Variants in CYP2W1 observed in about 807,000 individuals in gnomAD.
CYP2W1 encodes the protein cytochrome P450 2W1.
Under a neutral mutation model 44.9 loss-of-function variants are expected in CYP2W1, and 51 were observed. The observed-to-expected ratio is 1.14, with a 90% CI of 0.91 to 1.43. The LOEUF (loss-of-function observed/expected upper bound fraction) is 1.43. CYP2W1 is among the 40% of genes most tolerant of loss of function. The probability of loss-of-function intolerance (pLI) is 0.00; values close to 1 mark genes in which losing one functional copy is unlikely to be tolerated. For synonymous variants in CYP2W1, 383 were observed against 338.3 expected (o/e 1.13, Z -1.45); for missense variants, 746 against 700.0 (o/e 1.07, Z -0.74).
intron 1 of CYP2W1, among the ~76,000 whole-genome samples, chr7:984,130 G>A (rs1848138617): frequency 1.3e-5 from 2 of 152,188 alleles, no homozygotes; most frequent in African/African-American, 2.4e-5. Context: ...CGACCTTGCC[G>A]CCTGGACTCA....
At chr7:985,550 C>T (rs1848273714) in intron 4 of CYP2W1, among the ~76,000 whole-genome samples, 1 of 152,210 alleles carries the variant, frequency 6.6e-6, no homozygotes, top group Non-Finnish European at 1.5e-5. Context: ...CCCATCTCCC[C>T]CACGCCCTCA....
chr7:985,851 C>G (rs1055356047), intron 4 of CYP2W1, among the ~76,000 whole-genome samples: 2 of 152,198 alleles, frequency 1.3e-5, no homozygotes, highest in Non-Finnish European at 2.9e-5. Context: ...ACGGCTGGAC[C>G]CAGAGACCAC....
chr7:985,966 A>G (rs1461203139), intron 4 of CYP2W1, among the ~76,000 whole-genome samples: 1 of 152,068 alleles, frequency 6.6e-6, no homozygotes, highest in Admixed American at 6.5e-5. Context: ...CACCCGTCCT[A>G]GCCAGGGTGA....
At chr7:983,494 C>G (rs1044987997) in intron 1 of CYP2W1, 109 bp downstream of exon 1, 20 of 1,141,658 alleles carry the variant, frequency 1.8e-5, no homozygotes, top group Non-Finnish European at 2.2e-5. Context: ...CACATGGTGC[C>G]GGGCCCAGCG....
Position 987,199 on chromosome 7 carries a change from G to C in CYP2W1, c.912G>C (p.Thr304=), listed in dbSNP as rs58781963. The change falls in exon 6 of 9, where the codon ACG becomes ACC. Residue 304 remains threonine (T), a synonymous_variant. Transcript: ENST00000308919. The part of the protein sequence containing the change: ...VMAGTETTSA[T]LQWAALLMGR... ...CCGGGACGGAGACGACCTCGGCCAC[G>C]CTGCAGTGGGCCGCACTTCTGATGG... is the stretch of plus-strand genomic sequence containing the variant. The C allele has an allele frequency of 7.0e-4, 1,081 of 1,549,506 alleles. 7 individuals carry two copies. The African/African-American group carries it at 0.013, about 18-fold the overall frequency.
At chr7:986,461 G>A (rs751938577) in intron 4 of CYP2W1, 163 bp from the exon 5 acceptor site, 27 of 763,638 alleles carry the variant, frequency 3.5e-5, no homozygotes, top group Non-Finnish European at 4.8e-5. Context: ...GCAGTTCCTG[G>A]TCCTCCCTTG....
rs536373592 is a variant in CYP2W1, at chr7:987,138, C to A, written c.851C>A (p.Ala284Asp). The change falls in exon 6 of 9, where the codon GCC becomes GAC. Residue 284 changes from alanine to aspartate, a missense_variant. Transcript: ENST00000308919. ...GDDPEGLFAE[A>D]NAVACTLDMV... The stretch of plus-strand genomic sequence containing the variant: ...GACCCCGAGGGCCTGTTTGCTGAGG[C>A]CAACGCGGTGGCCTGCACCCTGGAC... 15 of 1,572,192 alleles carry A rather than the reference C, an allele frequency of 9.5e-6. No homozygotes were observed. The African/African-American group carries it at 1.6e-4, about 17-fold the overall frequency.
chr7:984,843 C>A, intron 2 of CYP2W1, 107 bp from the exon 3 acceptor site: 1 of 1,428,846 alleles, frequency 7.0e-7, no homozygotes, highest in Non-Finnish European at 9.4e-7. Flanking sequence ...GGGTGAGGGC[C>A]CAGCCAGTCT....
rs753386292 is a variant in CYP2W1 at position 984,931 on chromosome 7, G to A, written c.338-19G>A. 9.5e-6 allele frequency: 15 copies of A among 1,576,740 alleles called. No individual in the cohort carries two copies. Among genetic ancestry groups the A allele is most frequent in the Admixed American group, 6.9e-5 (4 of 57,618 alleles). On this transcript the variant is annotated intron_variant, in intron 2 of 8. Transcript: ENST00000308919. Reference sequence around the variant, plus strand: ...TGGGGTGGGAACCTGGGCTCACCACGCACTGTATCTGCCTACAGGCATCTT... The same window carrying A: ...TGGGGTGGGAACCTGGGCTCACCACACACTGTATCTGCCTACAGGCATCTT...
chr7:987,571 G>C, intron 7 of CYP2W1, 40 bp downstream of exon 7: 1 of 1,469,026 alleles, frequency 6.8e-7, no homozygotes, highest in South Asian at 1.3e-5. Flanking sequence ...TCTCCTCTGG[G>C]GTAGGCCTCG....
At position 984,928 on chromosome 7, in the gene CYP2W1, C is replaced by A. The variant is rs536614988; in HGVS notation, c.338-22C>A. On this transcript the variant is annotated intron_variant, in intron 2 of 8. Transcript: ENST00000308919. Reference sequence around the variant, plus strand: ...GGCTGGGGTGGGAACCTGGGCTCACCACGCACTGTATCTGCCTACAGGCAT... The same window carrying A: ...GGCTGGGGTGGGAACCTGGGCTCACAACGCACTGTATCTGCCTACAGGCAT... 17 of 1,573,684 alleles carry A rather than the reference C, an allele frequency of 1.1e-5. No individual in the cohort carries two copies. The Admixed American group carries it at 1.9e-4, about 18-fold the overall frequency.
Position 986,715 on chromosome 7 carries a change from C to T in CYP2W1, c.737C>T (p.Thr246Ile), listed in dbSNP as rs1374453901. 20 of 1,611,908 alleles carry T rather than the reference C, an allele frequency of 1.2e-5. No individual in the cohort carries two copies. The highest frequency in any genetic ancestry group is 1.7e-5 in the Admixed American group (1 of 59,886). Residue 246 changes from threonine (T) to isoleucine (I), a missense_variant, in exon 5 of 9, where the codon ACC becomes ATC. Physicochemically the swap from Thr to Ile is moderately conservative, Grantham distance 89 (BLOSUM62 -1). Coordinates refer to ENST00000308919, the MANE Select transcript of CYP2W1 (RefSeq NM_017781.3). ...GAGGAGGTCCGTGCCATTCTGAGGA[C>T]CCTCCTGGAGGCGCGGAGGCCCCAC... is the stretch of plus-strand genomic sequence containing the variant. ...KIEEVRAILR[T>I]LLEARRPHVC...
intron 4 of CYP2W1, 96 bp downstream of exon 4, chr7:985,419 T>C: frequency 7.5e-7 from 1 of 1,335,446 alleles, no homozygotes; most frequent in East Asian, 2.5e-5. Flanking sequence ...CCCTCTCAGC[T>C]TCTCGGCCCT....
chr7:983,445 C>T (rs186053946), intron 1 of CYP2W1, 60 bp downstream of exon 1: 24 of 1,362,046 alleles, frequency 1.8e-5, no homozygotes, highest in Admixed American at 3.0e-5. Context: ...CCTGGCCCCC[C>T]TCCTGGGGAA....
rs779217184 is a variant in CYP2W1 at position 984,592 on chromosome 7, G to A, written c.337+18G>A. 33 of 1,554,718 alleles carry A rather than the reference G, an allele frequency of 2.1e-5. No individual in the cohort carries two copies. The African/African-American group carries it at 2.3e-4, about 11-fold the overall frequency. On this transcript the variant is annotated intron_variant, in intron 2 of 8. Coordinates refer to ENST00000308919, the MANE Select transcript of CYP2W1 (RefSeq NM_017781.3). ...AGGTGGAGGTCGGTGTGTGGCCGGC[G>A]CTACGGGGCCTACTGGGTGTGGGGG...
At chr7:983,875 G>A (rs983143963) in intron 1 of CYP2W1, among the ~76,000 whole-genome samples, 3 of 152,230 alleles carry the variant, frequency 2.0e-5, no homozygotes, top group Non-Finnish European at 2.9e-5. Flanking sequence ...ACGGGGACAC[G>A]GCACGGGGCA....
rs745768718 is a variant in CYP2W1, at chr7:988,394, G to C, written c.1261G>C (p.Glu421Gln). Residue 421 changes from glutamate (E) to glutamine (Q), a missense_variant, in exon 8 of 9, where the codon GAG (glutamate) becomes CAG (glutamine). By Grantham distance (29) the Glu-to-Gln change is conservative. Transcript: ENST00000308919. ...LDANGHFVKR[E>Q]AFLPFSAGRR... ...CGCGAATGGGCACTTTGTGAAGCGG[G>C]AGGCCTTCCTGCCTTTCTCTGCAGG... 1 of 1,612,644 alleles carries C rather than the reference G, an allele frequency of 6.2e-7. No individual in the cohort carries two copies. The highest frequency in any genetic ancestry group is 8.5e-7 in the Non-Finnish European group (1 of 1,179,836).
chr7:985,232 GC>G lies in CYP2W1; in HGVS notation c.556del (p.Arg186AlafsTer59). 6.4e-7 allele frequency: 1 copy of G among 1,553,156 alleles called. No individual in the cohort carries two copies. Among genetic ancestry groups the G allele is most frequent in the Non-Finnish European group, 8.7e-7 (1 of 1,148,320 alleles). On this transcript the variant is annotated frameshift_variant, in exon 4 of 9. Coordinates refer to ENST00000308919, the MANE Select transcript of CYP2W1 (RefSeq NM_017781.3). LOFTEE classifies it high-confidence loss of function. ...AATATCACCTTCGCGCTCCTCTTCG[GC>G]CGCCGATTTGACTACCGGGACCCCG... ...PSNITFALLF[G>X]RRFDYRDPVF...
rs913243905 is a variant in CYP2W1, at chr7:988,281, C to T, written c.1148C>T (p.Thr383Met). The T allele has an allele frequency of 1.2e-5, 19 of 1,587,492 alleles. No individual in the cohort carries two copies. Among genetic ancestry groups the T allele is most frequent in the Admixed American group, 1.7e-5 (1 of 58,890 alleles). Residue 383 changes from threonine to methionine, a missense_variant, in exon 8 of 9, where the codon ACG becomes ATG. Transcript: ENST00000308919. Reference sequence around the variant, plus strand: ...GTGCCCCGGCTGCCCCCACAGGGCACGCCCGTGATTCCCCTGCTGACCTCG... The same window carrying T: ...GTGCCCCGGCTGCCCCCACAGGGCATGCCCGTGATTCCCCTGCTGACCTCG... ...QLGGFLLPKGTPVIPLLTSVL... is the reference protein window; with the variant it reads ...QLGGFLLPKGMPVIPLLTSVL...
Sources: allele counts gnomAD v4.1 joint callset (sites outside exome capture counted in the v4.1 genomes callset), GRCh38; gene constraint gnomAD v4.1.1; transcripts MANE v1.5; gene names NCBI Gene and HGNC (gene_info 2026-07-23, HGNC 2026-07-21).